Variants in SENP3 observed in about 807,000 individuals in gnomAD.
The protein encoded by SENP3 is sentrin-specific protease 3.
A neutral mutation model predicts 66.2 loss-of-function variants in SENP3; 11 were observed. The ratio of observed to expected loss-of-function variants is 0.17; its 90% confidence interval spans 0.10 to 0.28. The LOEUF (loss-of-function observed/expected upper bound fraction) is 0.28. SENP3 is among the 10% of genes least tolerant of loss of function. The probability of loss-of-function intolerance (pLI) is 1.00; values close to 1 mark genes in which losing one functional copy is unlikely to be tolerated. For missense variants in SENP3, 548 were observed against 743.7 expected (o/e 0.74, Z 3.06); for synonymous variants, 292 against 277.6 (o/e 1.05, Z -0.52).
In SENP3 at chr17:7,564,917, G is replaced by A. The variant is rs551912464; in HGVS notation, c.956-42G>A. ...TCTCCCTTCTCCGACTCCTAGAGGA[G>A]AGTCTGGAGGCCTCACCCCCTCCTC... On this transcript the variant is annotated intron_variant, in intron 3 of 10. Coordinates refer to ENST00000321337, the MANE Select transcript of SENP3 (RefSeq NM_015670.6). The A allele has an allele frequency of 1.9e-6, 3 of 1,607,880 alleles. No individual in the cohort carries two copies. In the African/African-American group the frequency reaches 4.0e-5, roughly 21 times the overall value.
chr17:7,565,744 A>G lies in SENP3; in HGVS notation c.1243A>G (p.Met415Val), dbSNP rs2071262210. Reference protein sequence around the residue: ...QVMNMYGDLVMDTVPEKVHFF... With the variant: ...QVMNMYGDLVVDTVPEKVHFF... ...GATGAACATGTATGGAGACCTGGTC[A>G]TGGACACAGTCCCTGAAAAGGTAGG... is the stretch of plus-strand genomic sequence containing the variant. The change falls in exon 6 of 11, where the codon ATG (methionine) becomes GTG (valine). Residue 415 changes from methionine to valine, a missense_variant. Coordinates refer to ENST00000321337, the MANE Select transcript of SENP3 (RefSeq NM_015670.6). 1 of 1,614,038 alleles carries G rather than the reference A, an allele frequency of 6.2e-7. No homozygotes were observed. The highest frequency in any genetic ancestry group is 8.5e-7 in the Non-Finnish European group (1 of 1,179,898).
intron 7 of SENP3, among the ~76,000 whole-genome samples, chr17:7,569,128 G>A (rs1383662228): frequency 6.6e-6 from 1 of 152,194 alleles, no homozygotes; most frequent in Non-Finnish European, 1.5e-5. Flanking sequence ...GCTCACGCCT[G>A]TAATCCCAGC....
rs1426868330 is a variant in SENP3 at position 7,565,779 on chromosome 17, A to G, written c.1263+15A>G. 1 of 1,613,344 alleles carries G rather than the reference A, an allele frequency of 6.2e-7. No homozygotes were observed. The highest frequency in any genetic ancestry group is 8.5e-7 in the Non-Finnish European group (1 of 1,179,306). On this transcript the variant is annotated intron_variant, in intron 6 of 10. Coordinates refer to ENST00000321337, the MANE Select transcript of SENP3 (RefSeq NM_015670.6). ...TCCCTGAAAAGGTAGGCCCAACCAGATAGGTCAGTACCCAGAGGAACTTCT... is the reference window on the plus strand; with the variant it reads ...TCCCTGAAAAGGTAGGCCCAACCAGGTAGGTCAGTACCCAGAGGAACTTCT...
At chr17:7,568,300 C>T (rs1230570892) in intron 7 of SENP3, among the ~76,000 whole-genome samples, 1 of 152,102 alleles carries the variant, frequency 6.6e-6, no homozygotes, top group Admixed American at 6.5e-5. Context: ...AGTGAAGCCT[C>T]TAAAAACCGG....
rs761284610 is a variant in SENP3 at position 7,571,441 on chromosome 17, G to A, written c.1683G>A (p.Arg561=). Residue 561 remains arginine, a synonymous_variant, in exon 11 of 11, where the codon CGG becomes CGA. Transcript: ENST00000321337. ...AGCAGGACATGCCCAAACTTCGTCG[G>A]CAGATCTACAAGGAGCTGTGTCACT... The part of the protein sequence containing the change: ...FTQQDMPKLR[R]QIYKELCHCK... The A allele has an allele frequency of 6.2e-7, 1 of 1,613,508 alleles. No individual in the cohort carries two copies. Among genetic ancestry groups the A allele is most frequent in the South Asian group, 1.1e-5 (1 of 91,064 alleles).
At position 7,562,183 on chromosome 17, in the gene SENP3, C is replaced by G. The variant is rs1268341724; in HGVS notation, c.-92C>G. The G allele has an allele frequency of 5.0e-6, 2 of 398,284 alleles. No individual in the cohort carries two copies. Among genetic ancestry groups the G allele is most frequent in the African/African-American group, 4.1e-5 (2 of 48,614 alleles). The allele number at this position is 398,284 out of a possible 1,614,324, so 24.7% of individuals were successfully genotyped here. On this transcript the variant is annotated 5_prime_UTR_variant, in exon 1 of 11. Transcript: ENST00000321337. The surrounding 1 kb of genome is among the most constrained non-coding windows in gnomAD (Gnocchi z 5.0). ...ACAGCAGGAGTGGCGGGGCCGCCGC[C>G]GTCGCCGGAGAGATGAGCCGGGAAG... is the stretch of plus-strand genomic sequence containing the variant.
chr17:7,562,237 C>G lies in SENP3; in HGVS notation c.-38C>G. On this transcript the variant is annotated 5_prime_UTR_variant, in exon 1 of 11. Transcript: ENST00000321337. The surrounding 1 kb of genome is among the most constrained non-coding windows in gnomAD (Gnocchi z 5.0). Reference sequence around the variant, plus strand: ...GAGGCCGGAGACGCCCGCCTTCGGGCCCGTCCGCCCGGCTTCCCCGCTCCC... The same window carrying G: ...GAGGCCGGAGACGCCCGCCTTCGGGGCCGTCCGCCCGGCTTCCCCGCTCCC... 1 of 398,546 alleles carries G rather than the reference C, an allele frequency of 2.5e-6. No individual in the cohort carries two copies. The highest frequency in any genetic ancestry group is 4.4e-6 in the Non-Finnish European group (1 of 225,962). 24.7% of individuals were successfully genotyped at this position (398,546 alleles called of 1,614,324 possible).
intron 7 of SENP3, among the ~76,000 whole-genome samples, chr17:7,568,293 G>GCT (rs958413511): frequency 6.6e-6 from 1 of 152,116 alleles, no homozygotes; most frequent in African/African-American, 2.4e-5. Context: ...GCCTAGTAGT[G>GCT]AAGCCTCTAA....
chr17:7,571,906 TATAAAAATATATAA>T lies in SENP3; in HGVS notation c.*426_*439del, dbSNP rs2071327933. The T allele has an allele frequency of 1.1e-4, 1 of 9,308 alleles. No homozygotes were observed. Among genetic ancestry groups the T allele is most frequent in the Non-Finnish European group, 3.5e-4 (1 of 2,828 alleles). The allele number at this position is 9,308 out of a possible 1,614,324, so 0.6% of individuals were successfully genotyped here. A position where few individuals can be genotyped will look rare whatever the true frequency, so the allele number is the denominator to read the frequency against. On this transcript the variant is annotated 3_prime_UTR_variant, in exon 11 of 11. Coordinates refer to ENST00000321337, the MANE Select transcript of SENP3 (RefSeq NM_015670.6). The stretch of plus-strand genomic sequence containing the variant: ...ATATATATATATATATATATATATA[TATAAAAATATATAA>T]ATGCCACGGTCCTGCTCTGGTCAAT...
At chr17:7,567,706 G>C (rs2071278896) in intron 7 of SENP3, among the ~76,000 whole-genome samples, 1 of 152,094 alleles carries the variant, frequency 6.6e-6, no homozygotes, top group Admixed American at 6.6e-5. Context: ...GGCTTGTGGG[G>C]GTGACCTGTG....
At chr17:7,569,677 G>T (rs1260400785) in intron 7 of SENP3, among the ~76,000 whole-genome samples, 2 of 152,154 alleles carry the variant, frequency 1.3e-5, no homozygotes, top group African/African-American at 4.8e-5. Context: ...TAGAGGGAAG[G>T]GTGGTGACGT....
In SENP3 at chr17:7,562,028, T is replaced by TGGCGGAGGTGGA; in HGVS notation, c.-244_-233dup. On this transcript the variant is annotated 5_prime_UTR_variant, in exon 1 of 11. Transcript: ENST00000321337. The surrounding 1 kb of genome is among the most constrained non-coding windows in gnomAD (Gnocchi z 5.0). Reference sequence around the variant, plus strand: ...GCGGCGGTGGCGCTGGTGGCGGCGGTGGCGGAGGTGGAGGTGGAGGTGGAA... The same window carrying TGGCGGAGGTGGA: ...GCGGCGGTGGCGCTGGTGGCGGCGGTGGCGGAGGTGGAGGCGGAGGTGGAGGTGGAGGTGGAA... 2.5e-6 allele frequency: 1 copy of TGGCGGAGGTGGA among 398,478 alleles called. No homozygotes were observed. Among genetic ancestry groups the TGGCGGAGGTGGA allele is most frequent in the Non-Finnish European group, 4.4e-6 (1 of 226,872 alleles). The allele number at this position is 398,478 out of a possible 1,614,324, so 24.7% of individuals were successfully genotyped here.
At position 7,563,449 on chromosome 17, in the gene SENP3, C is replaced by T; in HGVS notation, c.373C>T (p.Arg125Cys). ...CACTCATCGAAAAACCTGCTCACAG[C>T]GCCGCCGCCGAGCCATGAGAGCCTT... Reference protein sequence around the residue: ...RPTHRKTCSQRRRRAMRAFRM... With the variant: ...RPTHRKTCSQCRRRAMRAFRM... The change falls in exon 2 of 11, where the codon CGC becomes TGC. Residue 125 changes from arginine to cysteine, a missense_variant. Arg to Cys is a radical substitution (Grantham distance 180). Transcript: ENST00000321337. The T allele has an allele frequency of 1.9e-6, 3 of 1,547,666 alleles. No individual in the cohort carries two copies. Among genetic ancestry groups the T allele is most frequent in the Non-Finnish European group, 2.6e-6 (3 of 1,145,506 alleles).
rs370808987 is a variant in SENP3 at position 7,564,737 on chromosome 17, C to T, written c.828C>T (p.Ile276=). 1.5e-5 allele frequency: 24 copies of T among 1,614,010 alleles called. No individual in the cohort carries two copies. In the African/African-American group the frequency reaches 1.9e-4, roughly 13 times the overall value. Residue 276 remains isoleucine, a synonymous_variant, in exon 3 of 11, where the codon ATC becomes ATT. Transcript: ENST00000321337. ...TCCTCATCAGCAATGTGTGCAGCAT[C>T]GGGGACCATGTGGCCCAGGAGCTTT... ...ASILISNVCS[I]GDHVAQELFQ... is the part of the protein sequence containing the mutation.
rs775714380 is a variant in SENP3, at chr17:7,570,440, C to T, written c.1426C>T (p.Arg476Cys). Residue 476 changes from arginine to cysteine, a missense_variant, in exon 8 of 11, where the codon CGC (arginine) becomes TGC (cysteine). Physicochemically the swap from Arg to Cys is radical, Grantham distance 180 (BLOSUM62 -3). Transcript: ENST00000321337. The surrounding 1 kb of genome is among the most constrained non-coding windows in gnomAD (Gnocchi z 5.4). ...WSLISVDVRR[R>C]TITYFDSQRT... ...CCTCATCTCTGTTGATGTGAGGCGA[C>T]GCACCATCACCTATTTTGACTCGCA... The T allele has an allele frequency of 2.5e-6, 4 of 1,613,752 alleles. No homozygotes were observed. The highest frequency in any genetic ancestry group is 2.2e-5 in the East Asian group (1 of 44,878).
intron 7 of SENP3, among the ~76,000 whole-genome samples, chr17:7,568,336 G>C (rs538963220): frequency 6.6e-6 from 1 of 152,246 alleles, no homozygotes; most frequent in Non-Finnish European, 1.5e-5. Context: ...GGCGGCTCAC[G>C]CCTGTACTCC....
intron 6 of SENP3, 109 bp from the exon 7 acceptor site, chr17:7,566,818 G>GA (rs1183581335): frequency 7.2e-6 from 6 of 828,696 alleles, no homozygotes; most frequent in African/African-American, 1.7e-5. Context: ...AAAAAAAAAA[G>GA]AAAAAACCCA....
chr17:7,570,755 C>T lies in SENP3; in HGVS notation c.1554C>T (p.Tyr518=), dbSNP rs558987809. 1 of 1,611,418 alleles carries T rather than the reference C, an allele frequency of 6.2e-7. No homozygotes were observed. Among genetic ancestry groups the T allele is most frequent in the African/African-American group, 1.3e-5 (1 of 74,996 alleles). Residue 518 remains tyrosine (Y), a synonymous_variant, in exon 9 of 11, where the codon TAC becomes TAT. Transcript: ENST00000321337. This position sits in a 1 kb window ranked among gnomAD's most constrained non-coding sequence, Gnocchi z 5.4. The part of the protein sequence containing the change: ...RLDFHQGWKG[Y]FKMNVARQNN... ...ATTTCCACCAGGGCTGGAAAGGTTA[C>T]TTCAAAATGGTGAGTTTCCTGAGGG...
chr17:7,564,300 C>G, intron 2 of SENP3: 4 of 456,412 alleles, frequency 8.8e-6, no homozygotes, highest in Non-Finnish European at 1.6e-5. Flanking sequence ...TTCATTGAGC[C>G]TTTACAATAT....
Sources: allele counts gnomAD v4.1 joint callset (sites outside exome capture counted in the v4.1 genomes callset), GRCh38; gene constraint gnomAD v4.1.1; non-coding constraint Gnocchi (gnomAD v3.1); transcripts MANE v1.5; gene names NCBI Gene and HGNC (gene_info 2026-07-23, HGNC 2026-07-21).